SELENOF: variants seen among roughly 807,000 people sequenced by gnomAD.
SELENOF encodes 15 kDa selenoprotein.
Under a neutral mutation model 20.5 loss-of-function variants are expected in SELENOF, and 16 were observed. The observed-to-expected ratio is 0.78, with a 90% confidence interval of 0.53 to 1.19. The LOEUF (loss-of-function observed/expected upper bound fraction) is 1.19, where lower values mean the gene tolerates loss of function less well. SELENOF is among the 50% of genes most tolerant of loss of function. The probability of loss-of-function intolerance (pLI) is 0.00; values close to 1 mark genes in which losing one functional copy is unlikely to be tolerated. For missense variants in SELENOF, 215 were observed against 194.2 expected, an observed-to-expected ratio of 1.11 and a Z score of -0.64; for synonymous variants, 78 against 74.5, an observed-to-expected ratio of 1.05 and a Z score of -0.24.
chr1:86,870,052 C>A (rs374633435), intron 3 of SELENOF, among the ~76,000 whole-genome samples: 1 of 152,154 alleles, frequency 6.6e-6, no homozygotes, highest in African/African-American at 2.4e-5. Flanking sequence ...GGATTATAGG[C>A]GTGAGCCACT....
intron 2 of SELENOF, among the ~76,000 whole-genome samples, chr1:86,893,813 A>C (rs1252387267): frequency 6.6e-6 from 1 of 152,160 alleles, no homozygotes. Flanking sequence ...TGATAATGCT[A>C]CTATATAAAG....
intron 4 of SELENOF, among the ~76,000 whole-genome samples, chr1:86,863,854 AC>A (rs1658527218): frequency 1.3e-5 from 2 of 152,238 alleles, no homozygotes; most frequent in African/African-American, 4.8e-5. Flanking sequence ...TTGCTCTGTC[AC>A]CCAGGCTGCA....
chr1:86,863,703 A>G (rs1658520243), intron 4 of SELENOF, 98 bp from the exon 5 acceptor site: 1 of 1,116,522 alleles, frequency 9.0e-7, no homozygotes, highest in Admixed American at 3.3e-5. Context: ...AAATTTAGTA[A>G]TTAAAAAAAG....
chr1:86,896,180 T>C (rs1182499587), intron 2 of SELENOF, among the ~76,000 whole-genome samples: 1 of 151,006 alleles, frequency 6.6e-6, no homozygotes, highest in Non-Finnish European at 1.5e-5. Context: ...ACCTGGGAGG[T>C]TGCAGTGAGC....
At chr1:86,881,998 C>T (rs1023873859) in intron 2 of SELENOF, among the ~76,000 whole-genome samples, 1 of 152,048 alleles carries the variant, frequency 6.6e-6, no homozygotes, top group Admixed American at 6.6e-5. Context: ...CTTAGGGAGG[C>T]TGAGGTGGGC....
rs564815731 is a variant in SELENOF at position 86,864,915 on chromosome 1, T to G, written c.367-1310A>C. ...TCCCAAAGTGCTGGGATTACATAGG[T>G]GGGAGCCACCGCACCCAGCCGGTCA... is the stretch of plus-strand genomic sequence containing the variant. On this transcript the variant is annotated intron_variant, in intron 4 of 4. Coordinates refer to ENST00000331835, the MANE Select transcript of SELENOF (RefSeq NM_004261.5). Among the ~76,000 whole-genome samples the G allele has an allele frequency of 7.9e-3, 1,207 of 152,226 alleles. 11 individuals are homozygous for G. The highest frequency in any genetic ancestry group is 0.027 in the African/African-American group (1,136 of 41,540).
At chr1:86,881,990 T>C (rs1659082748) in intron 2 of SELENOF, among the ~76,000 whole-genome samples, 1 of 152,022 alleles carries the variant, frequency 6.6e-6, no homozygotes. Context: ...TTGCCGCTCT[T>C]AGGGAGGCTG....
intron 1 of SELENOF, among the ~76,000 whole-genome samples, chr1:86,904,081 T>A (rs1157526141): frequency 1.3e-5 from 2 of 152,206 alleles, no homozygotes; most frequent in Non-Finnish European, 2.9e-5. Context: ...AATTTTCTTA[T>A]AAGAAAAAAT....
intron 2 of SELENOF, among the ~76,000 whole-genome samples, 161 bp from the exon 3 acceptor site, chr1:86,880,886 T>G (rs1411921610): frequency 6.6e-6 from 1 of 152,196 alleles, no homozygotes; most frequent in Non-Finnish European, 1.5e-5. Flanking sequence ...AGTTCCAGTC[T>G]AATGGAAGAG....
chr1:86,870,072 T>C (rs1018854276), intron 3 of SELENOF, among the ~76,000 whole-genome samples: 1 of 152,168 alleles, frequency 6.6e-6, no homozygotes, highest in Non-Finnish European at 1.5e-5. Flanking sequence ...TGTAATACAT[T>C]TTTCTAAAAT....
intron 1 of SELENOF, among the ~76,000 whole-genome samples, chr1:86,904,582 A>T (rs1557471361): frequency 6.6e-6 from 1 of 152,080 alleles, no homozygotes; most frequent in Non-Finnish European, 1.5e-5. Context: ...TTCAACCTTT[A>T]GCTATATTTA....
chr1:86,887,210 GA>G (rs773323629), intron 2 of SELENOF: 150 of 1,531,778 alleles, frequency 9.8e-5, no homozygotes, highest in East Asian at 1.8e-4. Flanking sequence ...AGGATTAGGG[GA>G]AAAAAAATCA....
At chr1:86,867,134 T>C (rs1429566779) in intron 4 of SELENOF, among the ~76,000 whole-genome samples, 1 of 152,088 alleles carries the variant, frequency 6.6e-6, no homozygotes, top group East Asian at 1.9e-4. Flanking sequence ...AAAGGCTACA[T>C]ATTGTATGGT....
chr1:86,870,385 C>T (rs1458025549), intron 3 of SELENOF, among the ~76,000 whole-genome samples: 1 of 152,160 alleles, frequency 6.6e-6, no homozygotes, highest in African/African-American at 2.4e-5. Flanking sequence ...AGATATTCTG[C>T]AAACTCCTGA....
chr1:86,911,905 T>A (rs1250284177), intron 1 of SELENOF, among the ~76,000 whole-genome samples: 2 of 151,756 alleles, frequency 1.3e-5, no homozygotes, highest in Admixed American at 1.3e-4. Flanking sequence ...TGCCTCAGCC[T>A]CCCGAGTAGG....
chr1:86,900,531 G>C (rs953740255), intron 2 of SELENOF, among the ~76,000 whole-genome samples: 1 of 152,152 alleles, frequency 6.6e-6, no homozygotes, highest in Non-Finnish European at 1.5e-5. Context: ...GAGCCGAGAT[G>C]GCAGCAGTAC....
intron 2 of SELENOF, among the ~76,000 whole-genome samples, chr1:86,881,727 C>T (rs1209655660): frequency 6.6e-6 from 1 of 152,054 alleles, no homozygotes; most frequent in Non-Finnish European, 1.5e-5. Context: ...AAAAAACTAC[C>T]TTAATGTGAC....
At chr1:86,899,767 CGG>C (rs1557468790) in intron 2 of SELENOF, among the ~76,000 whole-genome samples, 5 of 150,570 alleles carry the variant, frequency 3.3e-5, no homozygotes, top group Non-Finnish European at 5.9e-5. Context: ...GGCTGCCGGG[CGG>C]AGGGGCTCCT....
intron 2 of SELENOF, among the ~76,000 whole-genome samples, chr1:86,884,180 T>C (rs893811268): frequency 5.9e-5 from 9 of 152,144 alleles, no homozygotes; most frequent in Non-Finnish European, 1.2e-4. Context: ...TGCCTCTTTT[T>C]TCATGACAAA....
Sources: allele counts gnomAD v4.1 joint callset (sites outside exome capture counted in the v4.1 genomes callset), GRCh38; gene constraint gnomAD v4.1.1; transcripts MANE v1.5; gene names NCBI Gene and HGNC (gene_info 2026-07-23, HGNC 2026-07-21).